HTT: variants seen among roughly 807,000 people sequenced by gnomAD.
HTT encodes the protein huntingtin, also known as huntington disease protein.
In HTT, 104 loss-of-function variants were observed where a neutral mutation model predicts 362.3. The ratio of observed to expected loss-of-function variants is 0.29; its 90% CI spans 0.24 to 0.34. The LOEUF is 0.34. Among genes scored for constraint, HTT ranks in the 10% least tolerant of loss-of-function variants. HTT has a pLI of 1.00. For synonymous variants in HTT, 1,577 were observed against 1,548.7 expected, an observed-to-expected ratio of 1.02 and a Z score of -0.43; for missense variants, 3,301 against 3,928.6, an observed-to-expected ratio of 0.84 and a Z score of 4.27.
At chr4:3,109,019 A>G (rs1714582834) in intron 6 of HTT, among the ~76,000 whole-genome samples, 1 of 151,712 alleles carries the variant, frequency 6.6e-6, no homozygotes, top group African/African-American at 2.4e-5. Context: ...GTGCCACCAC[A>G]CTCCAGCATG....
At chr4:3,207,108 C>T (rs566116050) in intron 44 of HTT, 125 bp downstream of exon 44, 293 of 1,119,300 alleles carry the variant, frequency 2.6e-4, no homozygotes, top group Non-Finnish European at 3.5e-4. Flanking sequence ...AACATGGAAA[C>T]ATCTGCAAAC....
intron 7 of HTT, 72 bp from the exon 8 acceptor site, chr4:3,116,013 T>C (rs1715004995): frequency 7.2e-7 from 1 of 1,398,386 alleles, no homozygotes; most frequent in Non-Finnish European, 1.0e-6. Flanking sequence ...ATCTCTTCTT[T>C]TTTAACAGAT....
chr4:3,122,839 C>A lies in HTT; in HGVS notation c.1274-50C>A, dbSNP rs765630284. The A allele has an allele frequency of 1.4e-5, 20 of 1,459,348 alleles. No individual in the cohort carries two copies. In the East Asian group the frequency reaches 4.3e-4, roughly 31 times the overall value. The allele number at this position is 1,459,348 out of a possible 1,614,324, so 90.4% of individuals were successfully genotyped here. On this transcript the variant is annotated intron_variant, in intron 9 of 66. Transcript: ENST00000355072. ...CTGTTTGAAGATTTTCACATTTCTT[C>A]TAGATTTTATCAGCTTGTTACTTTA... is the stretch of plus-strand genomic sequence containing the variant.
intron 12 of HTT, 49 bp downstream of exon 12, chr4:3,127,653 G>A (rs1715585431): frequency 7.1e-7 from 1 of 1,409,090 alleles, no homozygotes; most frequent in Non-Finnish European, 9.8e-7. Context: ...TTTTATTTGA[G>A]ACAGAGTCTC....
rs768422636 is a variant in HTT at position 3,206,628 on chromosome 4, G to A, written c.5851G>A (p.Gly1951Ser). 25 of 1,613,948 alleles carry A rather than the reference G, an allele frequency of 1.5e-5. No homozygotes were observed. The highest frequency in any genetic ancestry group is 5.0e-5 in the Admixed American group (3 of 59,986). The change falls in exon 43 of 67, where the codon GGC becomes AGC. Residue 1951 changes from glycine to serine, a missense_variant. Physicochemically the swap from Gly to Ser is moderately conservative, Grantham distance 56. Coordinates refer to ENST00000355072, the MANE Select transcript of HTT (RefSeq NM_001388492.1). This position sits in a 1 kb window ranked among gnomAD's most constrained non-coding sequence, Gnocchi z 4.6. Reference sequence around the variant, plus strand: ...CGTTCATCGGAACTCTGCTGCCAGCGGCCTGTTCATCCAGGCAATTCAGTC... The same window carrying A: ...CGTTCATCGGAACTCTGCTGCCAGCAGCCTGTTCATCCAGGCAATTCAGTC... ...SAVHRNSAASGLFIQAIQSRC... is the reference protein window; with the variant it reads ...SAVHRNSAASSLFIQAIQSRC...
rs781546405 is a variant in HTT, at chr4:3,214,100, C to T, written c.6917C>T (p.Ser2306Phe). The T allele has an allele frequency of 6.3e-7, 1 of 1,587,166 alleles. No homozygotes were observed. The highest frequency in any genetic ancestry group is 1.1e-5 in the South Asian group (1 of 87,792). Residue 2306 changes from serine (S) to phenylalanine (F), a missense_variant, in exon 50 of 67, where the codon TCC becomes TTC. Transcript: ENST00000355072. ...ACAGAGTTTGTGACCCACGCCTGCT[C>T]CCTCATCTACTGTGTGCACTTCATC... ...SSTEFVTHAC[S>F]LIYCVHFILE...
Position 3,236,179 on chromosome 4 carries a change from C to T in HTT, c.8816C>T (p.Ser2939Leu), listed in dbSNP as rs1181000535. The change falls in exon 64 of 67, where the codon TCA (serine) becomes TTA (leucine). Residue 2939 changes from serine to leucine, a missense_variant. Physicochemically the swap from Ser to Leu is moderately radical, Grantham distance 145. Coordinates refer to ENST00000355072, the MANE Select transcript of HTT (RefSeq NM_001388492.1). Reference protein sequence around the residue: ...GKEKVSPGRTSDPNPAAPDSE... With the variant: ...GKEKVSPGRTLDPNPAAPDSE... ...GAGAAAGTCAGTCCGGGTAGAACTTCAGACCCTAATCCTGCAGCCCCCGAC... is the reference window on the plus strand; with the variant it reads ...GAGAAAGTCAGTCCGGGTAGAACTTTAGACCCTAATCCTGCAGCCCCCGAC... The T allele has an allele frequency of 6.2e-7, 1 of 1,614,126 alleles. No individual in the cohort carries two copies. The highest frequency in any genetic ancestry group is 1.3e-5 in the African/African-American group (1 of 75,068).
At chr4:3,225,520 C>G in intron 56 of HTT, 141 bp from the exon 57 acceptor site, 2 of 660,620 alleles carry the variant, frequency 3.0e-6, no homozygotes, top group South Asian at 3.8e-5. Flanking sequence ...CTCTGCACAA[C>G]CTGGGCCCTC....
chr4:3,209,803 C>T lies in HTT; in HGVS notation c.6292-24C>T, dbSNP rs778118460. On this transcript the variant is annotated intron_variant, in intron 46 of 66. Coordinates refer to ENST00000355072, the MANE Select transcript of HTT (RefSeq NM_001388492.1). The stretch of plus-strand genomic sequence containing the variant: ...CCTTGAACGCCGCCCATCATGTTCC[C>T]CTTATCCATTTTTTTCTTCCCAGGA... The T allele has an allele frequency of 8.1e-6, 13 of 1,612,486 alleles. No homozygotes were observed. The African/African-American group carries it at 1.2e-4, about 15-fold the overall frequency.
At chr4:3,110,712 G>A (rs1022801612) in intron 6 of HTT, among the ~76,000 whole-genome samples, 4 of 152,040 alleles carry the variant, frequency 2.6e-5, no homozygotes, top group African/African-American at 4.8e-5. Context: ...AATCTCCAAC[G>A]TGACCCGATT....
At chr4:3,183,620 C>G (rs893674217) in intron 37 of HTT, among the ~76,000 whole-genome samples, 1 of 152,198 alleles carries the variant, frequency 6.6e-6, no homozygotes. Flanking sequence ...ACCAGTTAGA[C>G]AACAGGACAG....
intron 29 of HTT, among the ~76,000 whole-genome samples, chr4:3,168,659 T>C (rs2110227187): frequency 6.6e-6 from 1 of 152,338 alleles, no homozygotes; most frequent in South Asian, 2.1e-4. Context: ...TGTTCCATTT[T>C]ATATGTTTTG....
At chr4:3,179,230 G>T (rs1041198875) in intron 35 of HTT, among the ~76,000 whole-genome samples, 3 of 152,206 alleles carry the variant, frequency 2.0e-5, no homozygotes, top group African/African-American at 4.8e-5. Flanking sequence ...TGACCTCTCA[G>T]TGTTTACATA....
chr4:3,076,125 G>A (rs1037036039), intron 1 of HTT, among the ~76,000 whole-genome samples: 6 of 152,154 alleles, frequency 3.9e-5, no homozygotes, highest in African/African-American at 1.4e-4. Context: ...CTGACAGCTT[G>A]TTACTTTTTG....
Position 3,212,662 on chromosome 4 carries a change from C to T in HTT, c.6727C>T (p.Pro2243Ser). The T allele has an allele frequency of 6.2e-7, 1 of 1,614,222 alleles. No individual in the cohort carries two copies. ...SKLPSHLHLP[P>S]EKEKDIVKFV... The stretch of plus-strand genomic sequence containing the variant: ...ACTGCCCAGTCATTTGCACCTTCCT[C>T]CTGAGAAAGAGAAGGACATTGTGAA... Residue 2243 changes from proline (P) to serine (S), a missense_variant, in exon 49 of 67, where the codon CCT becomes TCT. Physicochemically the swap from Pro to Ser is moderately conservative, Grantham distance 74 (BLOSUM62 -1). Around this residue, in one of 4 missense-constraint regions of HTT, gnomAD observed 220 missense variants for 218.5 expected, o/e 1.01. Coordinates refer to ENST00000355072, the MANE Select transcript of HTT (RefSeq NM_001388492.1).
chr4:3,214,972 A>T (rs1720328842), intron 50 of HTT, 138 bp from the exon 51 acceptor site: 1 of 648,736 alleles, frequency 1.5e-6, no homozygotes, highest in Non-Finnish European at 2.7e-6. Context: ...CTGTTTGTCT[A>T]AAATTGGTTC....
At chr4:3,096,068 G>A (rs1342679226) in intron 2 of HTT, among the ~76,000 whole-genome samples, 1 of 152,232 alleles carries the variant, frequency 6.6e-6, no homozygotes, top group Non-Finnish European at 1.5e-5. Flanking sequence ...TTAGATGCAA[G>A]CTAGACTGGT....
intron 38 of HTT, 132 bp from the exon 39 acceptor site, chr4:3,187,519 G>T: frequency 3.0e-6 from 2 of 670,668 alleles, no homozygotes; most frequent in East Asian, 2.5e-5. Context: ...CACACTTTGG[G>T]ACTCAGTGAT....
chr4:3,183,564 A>G (rs1319115684), intron 37 of HTT, among the ~76,000 whole-genome samples: 1 of 152,212 alleles, frequency 6.6e-6, no homozygotes, highest in Non-Finnish European at 1.5e-5. Flanking sequence ...TACTGCCTTC[A>G]TGACTGCACC....
Sources: allele counts gnomAD v4.1 joint callset (sites outside exome capture counted in the v4.1 genomes callset), GRCh38; gene constraint gnomAD v4.1.1; regional missense constraint gnomAD v4.1.1; non-coding constraint Gnocchi (gnomAD v3.1); transcripts MANE v1.5; gene names NCBI Gene and HGNC (gene_info 2026-07-23, HGNC 2026-07-21).